RIN2: variants seen among roughly 807,000 people sequenced by gnomAD.
RIN2 encodes RAB5 interacting protein 2.
RIN2 carries 36 observed loss-of-function variants against 78.0 expected under a neutral mutation model. The observed-to-expected ratio is 0.46, with a 90% CI of 0.35 to 0.61. RIN2 has a LOEUF of 0.61. Ranked by LOEUF, RIN2 falls within the 20% of genes least tolerant of loss-of-function variation. The pLI, the probability that RIN2 is intolerant of heterozygous loss-of-function variation, is 0.00. For missense variants in RIN2, 1,087 were observed against 1,159.7 expected, an observed-to-expected ratio of 0.94 and a Z score of 0.91; for synonymous variants, 466 against 466.8, an observed-to-expected ratio of 1.00 and a Z score of 0.02.
intron 11 of RIN2, among the ~76,000 whole-genome samples, chr20:19,992,518 G>A (rs2146396747): frequency 6.6e-6 from 1 of 152,148 alleles, no homozygotes; most frequent in East Asian, 1.9e-4. Flanking sequence ...GCAGTTACTT[G>A]GGTGCTTTTT....
intron 2 of RIN2, among the ~76,000 whole-genome samples, chr20:19,859,940 G>A (rs1220501685): frequency 6.6e-6 from 1 of 152,206 alleles, no homozygotes; most frequent in Non-Finnish European, 1.5e-5. Flanking sequence ...ACAAGGAAGG[G>A]AAGGAAGCCA....
At chr20:19,758,735 G>T (rs755869828) in intron 1 of RIN2, among the ~76,000 whole-genome samples, 3 of 152,178 alleles carry the variant, frequency 2.0e-5, no homozygotes, top group Non-Finnish European at 2.9e-5. Flanking sequence ...CCTTTGAGGA[G>T]TTCTACCTGC....
intron 4 of RIN2, among the ~76,000 whole-genome samples, chr20:19,937,324 A>T (rs1042935878): frequency 6.6e-6 from 1 of 151,998 alleles, no homozygotes; most frequent in Non-Finnish European, 1.5e-5. Context: ...TTTCAGCAAA[A>T]CCCCTGGAGA....
chr20:19,895,971 T>A (rs2038700465), intron 3 of RIN2: 1 of 152,186 alleles, frequency 6.6e-6, no homozygotes, highest in South Asian at 2.1e-4. Context: ...GCAAAATTTT[T>A]CAATCATTCA....
intron 12 of RIN2, among the ~76,000 whole-genome samples, chr20:19,998,586 G>A (rs960147679): frequency 2.0e-5 from 3 of 152,148 alleles, no homozygotes; most frequent in African/African-American, 7.2e-5. Flanking sequence ...ACTCCAGCCT[G>A]GGCAGCAGAA....
chr20:19,948,776 A>T (rs1443373827), intron 4 of RIN2, among the ~76,000 whole-genome samples: 1 of 151,648 alleles, frequency 6.6e-6, no homozygotes, highest in Admixed American at 6.6e-5. Flanking sequence ...GACAAAAGTG[A>T]TTGTCTTGAA....
chr20:19,953,150 T>C (rs117475015), intron 4 of RIN2, among the ~76,000 whole-genome samples: 4,971 of 152,240 alleles, frequency 0.033, 126 homozygotes, highest in Non-Finnish European at 0.044. Flanking sequence ...TTTTTTTTCT[T>C]TTTTTGGAGA....
At chr20:19,844,625 TTCTTCTTCTTCTTCTTC>T (rs2036691366) in intron 2 of RIN2, among the ~76,000 whole-genome samples, 4 of 117,014 alleles carry the variant, frequency 3.4e-5, no homozygotes, top group Admixed American at 2.6e-4. Flanking sequence ...CTTCTTCTTC[TTCTTCTTCTTCTTCTTC>T]TTCTTCTTCT....
At chr20:19,760,715 A>G (rs2033604756) in intron 1 of RIN2, among the ~76,000 whole-genome samples, 1 of 152,146 alleles carries the variant, frequency 6.6e-6, no homozygotes, top group African/African-American at 2.4e-5. Context: ...CCCATTCTTC[A>G]CATACTCTCT....
At chr20:19,988,102 G>A (rs2042677983) in intron 9 of RIN2, among the ~76,000 whole-genome samples, 1 of 152,184 alleles carries the variant, frequency 6.6e-6, no homozygotes, top group Non-Finnish European at 1.5e-5. Flanking sequence ...AAAGGCCAGA[G>A]AGACAACTCA....
At chr20:19,825,922 C>A (rs2036076146) in intron 2 of RIN2, among the ~76,000 whole-genome samples, 1 of 152,190 alleles carries the variant, frequency 6.6e-6, no homozygotes. Context: ...CTTTCCAAAG[C>A]ATGTTACAAC....
intron 4 of RIN2, among the ~76,000 whole-genome samples, chr20:19,951,351 A>G (rs1200588985): frequency 1.3e-5 from 2 of 152,150 alleles, no homozygotes; most frequent in Non-Finnish European, 2.9e-5. Context: ...TGTCACTGAA[A>G]TTTGGATTTT....
intron 4 of RIN2, among the ~76,000 whole-genome samples, chr20:19,940,259 T>C (rs2040812488): frequency 6.6e-6 from 1 of 152,200 alleles, no homozygotes; most frequent in South Asian, 2.1e-4. Flanking sequence ...GTATCTGGCA[T>C]AGAGCACGCA....
chr20:19,769,613 C>T (rs901349818), intron 1 of RIN2, among the ~76,000 whole-genome samples: 2 of 152,150 alleles, frequency 1.3e-5, no homozygotes, highest in East Asian at 1.9e-4. Flanking sequence ...AGATGAAGCA[C>T]GTTGTTGTTA....
At chr20:19,796,050 G>GAGAA (rs927389823) in intron 1 of RIN2, among the ~76,000 whole-genome samples, 1 of 149,698 alleles carries the variant, frequency 6.7e-6, no homozygotes, top group African/African-American at 2.5e-5. Flanking sequence ...AAGAAGAGAA[G>GAGAA]AGAAAGAAAG....
At chr20:19,779,729 A>T (rs1160449171) in intron 1 of RIN2, among the ~76,000 whole-genome samples, 7 of 152,202 alleles carry the variant, frequency 4.6e-5, no homozygotes, top group African/African-American at 1.7e-4. Context: ...CTAAAATAAG[A>T]CTTTCAGTGG....
intron 4 of RIN2, among the ~76,000 whole-genome samples, chr20:19,944,584 A>G (rs2041010244): frequency 6.6e-6 from 1 of 152,220 alleles, no homozygotes; most frequent in African/African-American, 2.4e-5. Context: ...GCTGGTTAAG[A>G]CAACAGCCTG....
chr20:19,978,073 C>T (rs1332948475), intron 9 of RIN2, among the ~76,000 whole-genome samples: 1 of 152,030 alleles, frequency 6.6e-6, no homozygotes, highest in East Asian at 1.9e-4. Context: ...TAGAGGTGCA[C>T]TTTATTAGAT....
chr20:19,834,032 A>G (rs566683619), intron 2 of RIN2, among the ~76,000 whole-genome samples: 1 of 152,134 alleles, frequency 6.6e-6, no homozygotes, highest in East Asian at 1.9e-4. Context: ...CTGGTAACCC[A>G]CAACTAAGCA....
Sources: allele counts gnomAD v4.1 joint callset (sites outside exome capture counted in the v4.1 genomes callset), GRCh38; gene constraint gnomAD v4.1.1; transcripts MANE v1.5; gene names NCBI Gene and HGNC (gene_info 2026-07-23, HGNC 2026-07-21).